GPC3: variants seen among roughly 807,000 people sequenced by gnomAD.
The protein encoded by GPC3 is glypican-3.
In GPC3, 3 loss-of-function variants were observed where a neutral mutation model predicts 34.4. That is an observed-to-expected ratio of 0.09 (90% CI 0.04 to 0.23). GPC3 has a LOEUF of 0.23. Ranked by LOEUF, GPC3 falls within the 10% of genes least tolerant of loss-of-function variation. The pLI is 1.00. For synonymous variants in GPC3, 177 were observed against 174.0 expected (o/e 1.02, Z -0.13); for missense variants, 351 against 445.6 (o/e 0.79, Z 1.91).
chrX:133,872,636 G>A (rs1360651305), intron 2 of GPC3, among the ~76,000 whole-genome samples: 1 of 112,229 alleles, frequency 8.9e-6, no homozygotes, highest in African/African-American at 3.2e-5. Flanking sequence ...GAGGAAGGAA[G>A]GAACATACAG....
At chrX:133,867,683 C>A (rs2075974597) in intron 2 of GPC3, among the ~76,000 whole-genome samples, 1 of 109,201 alleles carries the variant, frequency 9.2e-6, no homozygotes, top group East Asian at 2.9e-4. Flanking sequence ...TGGGGACAGG[C>A]ATTCCTGTTT....
At chrX:133,606,358 T>C (rs954418749) in intron 6 of GPC3, among the ~76,000 whole-genome samples, 4 of 112,113 alleles carry the variant, frequency 3.6e-5, no homozygotes, top group Non-Finnish European at 7.5e-5. Context: ...TACTCTGGAG[T>C]CAGAAAACTT....
intron 3 of GPC3, among the ~76,000 whole-genome samples, chrX:133,724,304 G>A (rs994059889): frequency 8.9e-6 from 1 of 112,071 alleles, no homozygotes; most frequent in Non-Finnish European, 1.9e-5. Context: ...TTACTTAGAA[G>A]CTATGGTCTT....
chrX:133,919,492 A>G (rs746541628), intron 2 of GPC3, among the ~76,000 whole-genome samples: 2 of 111,636 alleles, frequency 1.8e-5, no homozygotes, highest in Non-Finnish European at 3.8e-5. Context: ...AAGGAATTAC[A>G]TATAAAAATG....
chrX:133,740,863 T>TTTTGTTTG (rs761032289), intron 3 of GPC3, among the ~76,000 whole-genome samples: 24 of 111,031 alleles, frequency 2.2e-4, no homozygotes, highest in African/African-American at 7.9e-4. Context: ...TGTGTGGGTT[T>TTTTGTTTG]TTTGTTTGTT....
intron 2 of GPC3, among the ~76,000 whole-genome samples, chrX:133,892,232 C>T (rs2076091058): frequency 9.0e-6 from 1 of 111,673 alleles, no homozygotes; most frequent in Non-Finnish European, 1.9e-5. Context: ...CCATGAAAAC[C>T]ATTTTACTTC....
chrX:133,794,240 T>G (rs1180134141), intron 2 of GPC3, among the ~76,000 whole-genome samples: 1 of 111,856 alleles, frequency 8.9e-6, no homozygotes, highest in Non-Finnish European at 1.9e-5. Context: ...CTGTTCCATT[T>G]TTAACTTATC....
chrX:133,664,085 A>G (rs1317358502), intron 5 of GPC3, among the ~76,000 whole-genome samples: 2 of 112,426 alleles, frequency 1.8e-5, no homozygotes, highest in Non-Finnish European at 3.8e-5. Context: ...AGTGAGGCAC[A>G]CTTGTATTAA....
chrX:133,763,534 G>C lies in GPC3; in HGVS notation c.338-9358C>G, dbSNP rs935947056. The C allele has an allele frequency of 4.0e-5, 22 of 553,028 alleles. No homozygotes were observed. The African/African-American group carries it at 4.0e-4, about 10-fold the overall frequency. The allele number at this position is 553,028 out of a possible 1,213,427, so 45.6% of individuals were successfully genotyped here. ...CACTGCTACTCAGCCTGAGGTGACA[G>C]ACTGGTCTGAAGGCGTGCAGGTGCC... On this transcript the variant is annotated intron_variant, in intron 2 of 7. Transcript: ENST00000370818.
chrX:133,770,256 A>G (rs2071901871), intron 2 of GPC3, among the ~76,000 whole-genome samples: 2 of 111,178 alleles, frequency 1.8e-5, no homozygotes, highest in Non-Finnish European at 3.8e-5. Flanking sequence ...AGCCTAGGTG[A>G]CAGAGGAAGA....
At chrX:133,646,419 A>T (rs1158670323) in intron 6 of GPC3, among the ~76,000 whole-genome samples, 3 of 112,027 alleles carry the variant, frequency 2.7e-5, no homozygotes, top group African/African-American at 9.7e-5. Context: ...TAGGGAAAGC[A>T]CGAGAAAGCT....
intron 2 of GPC3, among the ~76,000 whole-genome samples, chrX:133,878,283 C>T (rs2076025962): frequency 9.0e-6 from 1 of 110,868 alleles, no homozygotes; most frequent in South Asian, 3.8e-4. Context: ...AAAAATTAGC[C>T]AGGCATGGTG....
intron 2 of GPC3, among the ~76,000 whole-genome samples, chrX:133,796,167 A>T (rs868126551): frequency 2.7e-5 from 3 of 109,747 alleles, no homozygotes; most frequent in Non-Finnish European, 3.8e-5. Flanking sequence ...GGATGGTCTC[A>T]ATCTCCTCAC....
intron 5 of GPC3, among the ~76,000 whole-genome samples, chrX:133,683,829 C>T (rs1468775966): frequency 9.0e-6 from 1 of 111,711 alleles, no homozygotes; most frequent in Non-Finnish European, 1.9e-5. Flanking sequence ...ACTGTATTGC[C>T]ACGAGAGTAT....
At chrX:133,893,117 C>G (rs979715631) in intron 2 of GPC3, among the ~76,000 whole-genome samples, 1 of 110,969 alleles carries the variant, frequency 9.0e-6, no homozygotes, top group Non-Finnish European at 1.9e-5. Flanking sequence ...ATTAGCCAGA[C>G]GTAGTGGCGG....
chrX:133,896,963 G>C (rs1251486883), intron 2 of GPC3, among the ~76,000 whole-genome samples: 1 of 101,107 alleles, frequency 9.9e-6, no homozygotes, highest in Non-Finnish European at 2.0e-5. Flanking sequence ...CTGGAGTGCA[G>C]TGGCGTGATC....
At chrX:133,682,765 G>A (rs1338645771) in intron 5 of GPC3, among the ~76,000 whole-genome samples, 5 of 110,790 alleles carry the variant, frequency 4.5e-5, no homozygotes, top group Admixed American at 3.8e-4. Flanking sequence ...TCAGGAGTTC[G>A]AGACCAGCCT....
chrX:133,714,703 A>G (rs1238442389), intron 3 of GPC3, among the ~76,000 whole-genome samples: 9 of 112,129 alleles, frequency 8.0e-5, no homozygotes, highest in African/African-American at 2.9e-4. Context: ...CAATGAGAAA[A>G]TTGGCAAAAA....
At chrX:133,558,889 T>C (rs1252133566) in intron 7 of GPC3, among the ~76,000 whole-genome samples, 5 of 103,421 alleles carry the variant, frequency 4.8e-5, no homozygotes, top group Non-Finnish European at 9.7e-5. Flanking sequence ...AGACTCTGTC[T>C]CAAAAATAAG....
Sources: allele counts gnomAD v4.1 joint callset (sites outside exome capture counted in the v4.1 genomes callset), GRCh38; gene constraint gnomAD v4.1.1; transcripts MANE v1.5; gene names NCBI Gene and HGNC (gene_info 2026-07-23, HGNC 2026-07-21).